Variants in CTNNBIP1 observed in about 807,000 individuals in gnomAD.
CTNNBIP1 encodes the protein catenin beta interacting protein 1, also known as beta-catenin-interacting protein 1.
CTNNBIP1 carries 7 observed loss-of-function variants against 11.8 expected under a neutral mutation model. The ratio of observed to expected loss-of-function variants is 0.60; its 90% CI spans 0.34 to 1.12. The LOEUF is 1.12. Among genes scored for constraint, CTNNBIP1 ranks in the 50% most tolerant of loss-of-function variants. CTNNBIP1 has a pLI of 0.03. For synonymous variants in CTNNBIP1, 58 were observed against 43.9 expected, an observed-to-expected ratio of 1.32 and a Z score of -1.26; for missense variants, 101 against 113.4, an observed-to-expected ratio of 0.89 and a Z score of 0.50.
At chr1:9,896,974 CAA>C in intron 1 of CTNNBIP1, among the ~76,000 whole-genome samples, 1 of 132,104 alleles carries the variant, frequency 7.6e-6, no homozygotes. Flanking sequence ...CTCAAACAAA[CAA>C]AAAAAAAAAA....
rs758550489 is a variant in CTNNBIP1, at chr1:9,871,414, C to G, written c.97-137G>C. Reference sequence around the variant, plus strand: ...CGGGCTTCTGTTTCTGAGATTTGACCCCTTTGCTTTCAGGGCCAGCCCACC... The same window carrying G: ...CGGGCTTCTGTTTCTGAGATTTGACGCCTTTGCTTTCAGGGCCAGCCCACC... On this transcript the variant is annotated intron_variant, in intron 4 of 5. Coordinates refer to ENST00000377263, the MANE Select transcript of CTNNBIP1 (RefSeq NM_020248.3). The surrounding 1 kb of genome is among the most constrained non-coding windows in gnomAD (Gnocchi z 5.2). The G allele has an allele frequency of 4.8e-5, 34 of 707,018 alleles. No individual in the cohort carries two copies. Among genetic ancestry groups the G allele is most frequent in the Admixed American group, 1.2e-4 (5 of 40,282 alleles). 43.8% of individuals were successfully genotyped at this position (707,018 alleles called of 1,614,324 possible).
chr1:9,857,612 C>G (rs1638536006), intron 5 of CTNNBIP1, among the ~76,000 whole-genome samples: 1 of 152,020 alleles, frequency 6.6e-6, no homozygotes, highest in Non-Finnish European at 1.5e-5. Context: ...ACCAGCCTAT[C>G]CAACGTGGTG....
intron 2 of CTNNBIP1, among the ~76,000 whole-genome samples, chr1:9,879,650 A>C (rs143219168): frequency 6.6e-6 from 1 of 152,300 alleles, no homozygotes; most frequent in African/African-American, 2.4e-5. Context: ...CAAAATACCA[A>C]GGAACCCTGG....
At chr1:9,891,279 C>T (rs959226908) in intron 1 of CTNNBIP1, among the ~76,000 whole-genome samples, 3 of 152,184 alleles carry the variant, frequency 2.0e-5, no homozygotes, top group Non-Finnish European at 4.4e-5. Context: ...CAGGCCTGGG[C>T]ATGGCCCGGC....
chr1:9,903,812 C>T (rs1639568298), intron 1 of CTNNBIP1, among the ~76,000 whole-genome samples: 1 of 152,202 alleles, frequency 6.6e-6, no homozygotes, highest in South Asian at 2.1e-4. Flanking sequence ...AAGAGTATCA[C>T]CTACATTGGG....
At chr1:9,889,635 C>T (rs946542792) in intron 1 of CTNNBIP1, among the ~76,000 whole-genome samples, 5 of 152,206 alleles carry the variant, frequency 3.3e-5, no homozygotes, top group Non-Finnish European at 5.9e-5. Context: ...TTCCTCTTCT[C>T]GCATCACCGC....
rs1179885282 is a variant in CTNNBIP1, at chr1:9,867,946, T to C, written c.187+3241A>G. ...ATGCAGGGTCCTGCCCTCACATGGG[T>C]AAGCCCAGTATGGGACTGGGCTGAT... On this transcript the variant is annotated intron_variant, in intron 5 of 5. Coordinates refer to ENST00000377263, the MANE Select transcript of CTNNBIP1 (RefSeq NM_020248.3). This position sits in a 1 kb window ranked among gnomAD's most constrained non-coding sequence, Gnocchi z 4.6. Among the ~76,000 whole-genome samples the C allele has an allele frequency of 6.6e-6, 1 of 152,248 alleles. No homozygotes were observed. Among genetic ancestry groups the C allele is most frequent in the Non-Finnish European group, 1.5e-5 (1 of 68,052 alleles).
chr1:9,887,388 T>A (rs1454276730), intron 1 of CTNNBIP1, among the ~76,000 whole-genome samples: 1 of 151,990 alleles, frequency 6.6e-6, no homozygotes, highest in African/African-American at 2.4e-5. Flanking sequence ...GGCTCAGGAG[T>A]TGACAGACGC....
At chr1:9,880,909 C>T (rs891097428) in intron 2 of CTNNBIP1, among the ~76,000 whole-genome samples, 5 of 152,220 alleles carry the variant, frequency 3.3e-5, no homozygotes, top group Admixed American at 1.3e-4. Context: ...ACCTCTATCA[C>T]GTCTTCCCTC....
In CTNNBIP1 at chr1:9,875,707, T is replaced by C. The variant is rs183313800; in HGVS notation, c.-25+2198A>G. On this transcript the variant is annotated intron_variant, in intron 3 of 5. Transcript: ENST00000377263. ...TGGTCATGGAGAATTCTTCCAGCTC[T>C]AGTTTGAGCTGATTCCGCCCTGCTG... 1.4e-3 allele frequency among the ~76,000 whole-genome samples: 213 copies of C among 152,372 alleles called. 3 individuals are homozygous for C. The highest frequency in any genetic ancestry group is 2.2e-3 in the Non-Finnish European group (150 of 68,036).
At chr1:9,893,895 C>G (rs913400499) in intron 1 of CTNNBIP1, among the ~76,000 whole-genome samples, 1 of 152,150 alleles carries the variant, frequency 6.6e-6, no homozygotes, top group Admixed American at 6.6e-5. Flanking sequence ...AAAAGAATAA[C>G]TCACCCAAAA....
At chr1:9,885,817 C>T (rs1557759804) in intron 1 of CTNNBIP1, among the ~76,000 whole-genome samples, 1 of 151,754 alleles carries the variant, frequency 6.6e-6, no homozygotes, top group East Asian at 1.9e-4. Flanking sequence ...TAGTGCATGC[C>T]TGTACTTGGG....
In CTNNBIP1 at chr1:9,897,567, G is replaced by A. The variant is rs147414075; in HGVS notation, c.-144+12528C>T. On this transcript the variant is annotated intron_variant, in intron 1 of 5. Coordinates refer to ENST00000377263, the MANE Select transcript of CTNNBIP1 (RefSeq NM_020248.3). ...CTCAGGAGGCTGGGGCAAGAGAATT[G>A]CTTGAACCCAGGAGGCGGAGGTTGC... Among the ~76,000 whole-genome samples, 1,437 of 152,150 alleles carry A rather than the reference G, an allele frequency of 9.4e-3. 64 individuals carry two copies. The highest frequency in any genetic ancestry group is 0.071 in the Admixed American group (1,081 of 15,280).
intron 1 of CTNNBIP1, among the ~76,000 whole-genome samples, chr1:9,902,238 G>A (rs935372985): frequency 1.3e-5 from 2 of 152,166 alleles, no homozygotes; most frequent in Admixed American, 6.5e-5. Flanking sequence ...AGTTGGCAGC[G>A]AGAGACGTGT....
chr1:9,849,594 C>T lies in CTNNBIP1; in HGVS notation c.*1124G>A, dbSNP rs1010767285. Reference sequence around the variant, plus strand: ...GCTCCCAGAGACCTCCGCCAGATGACCTCCAGAGTCTTTGGGGTCTCACAC... The same window carrying T: ...GCTCCCAGAGACCTCCGCCAGATGATCTCCAGAGTCTTTGGGGTCTCACAC... On this transcript the variant is annotated 3_prime_UTR_variant, in exon 6 of 6. Transcript: ENST00000377263. 18 of 152,252 alleles carry T rather than the reference C, an allele frequency of 1.2e-4. No homozygotes were observed. Among genetic ancestry groups the T allele is most frequent in the African/African-American group, 4.1e-4 (17 of 41,458 alleles). The allele number at this position is 152,252 out of a possible 1,614,324, so 9.4% of individuals were successfully genotyped here. A position where few individuals can be genotyped will look rare whatever the true frequency, so the allele number is the denominator to read the frequency against.
At position 9,849,132 on chromosome 1, in the gene CTNNBIP1, C is replaced by G. The variant is rs1263407787; in HGVS notation, c.*1586G>C. On this transcript the variant is annotated 3_prime_UTR_variant, in exon 6 of 6. Transcript: ENST00000377263. Reference sequence around the variant, plus strand: ...CCCAGATCCCACACCTGCCAGTGAGCCAGGGAGATAGGAGGACCACCTCCC... The same window carrying G: ...CCCAGATCCCACACCTGCCAGTGAGGCAGGGAGATAGGAGGACCACCTCCC... 13 of 152,316 alleles carry G rather than the reference C, an allele frequency of 8.5e-5. No individual in the cohort carries two copies. The highest frequency in any genetic ancestry group is 8.5e-4 in the Admixed American group (13 of 15,282). The allele number at this position is 152,316 out of a possible 1,614,324, so 9.4% of individuals were successfully genotyped here. A position where few individuals can be genotyped will look rare whatever the true frequency, so the allele number is the denominator to read the frequency against.
chr1:9,873,282 T>TTAA (rs1180694284), intron 3 of CTNNBIP1, among the ~76,000 whole-genome samples: 2 of 152,136 alleles, frequency 1.3e-5, no homozygotes, highest in African/African-American at 4.8e-5. Context: ...CCAGACTCTA[T>TTAA]TACTCTGTCT....
chr1:9,898,615 T>TA (rs1286332461), intron 1 of CTNNBIP1, among the ~76,000 whole-genome samples: 1 of 151,518 alleles, frequency 6.6e-6, no homozygotes, highest in African/African-American at 2.4e-5. Context: ...CCTTAATATA[T>TA]AAAAAAAAGT....
intron 5 of CTNNBIP1, among the ~76,000 whole-genome samples, chr1:9,869,070 G>A (rs951001645): frequency 3.0e-4 from 46 of 152,140 alleles, no homozygotes; most frequent in African/African-American, 1.0e-3. Context: ...TGCGATCATG[G>A]CTCACTGCAG....
Sources: gnomAD v4.1 joint callset for allele counts (sites outside exome capture counted in the v4.1 genomes callset) on GRCh38, gnomAD v4.1.1 for gene constraint, Gnocchi (gnomAD v3.1) non-coding constraint, MANE v1.5 for transcripts, NCBI Gene and HGNC (gene_info 2026-07-23, HGNC 2026-07-21) for gene names.